Variants in COPB1 observed in about 807,000 individuals in gnomAD.
COPB1 encodes coat protein complex I subunit beta 1.
A neutral mutation model predicts 108.7 loss-of-function variants in COPB1; 21 were observed. The ratio of observed to expected loss-of-function variants is 0.19; its 90% CI spans 0.14 to 0.28. The LOEUF (loss-of-function observed/expected upper bound fraction) is 0.28, where lower values mean the gene tolerates loss of function less well. COPB1 is among the 10% of genes least tolerant of loss of function. The probability of loss-of-function intolerance (pLI) is 1.00; values close to 1 mark genes in which losing one functional copy is unlikely to be tolerated. For missense variants in COPB1, 919 were observed against 1,141.3 expected, an observed-to-expected ratio of 0.81 and a Z score of 2.81; for synonymous variants, 378 against 386.8, an observed-to-expected ratio of 0.98 and a Z score of 0.27.
At chr11:14,484,185 T>C (rs1182718460) in intron 7 of COPB1, among the ~76,000 whole-genome samples, 2 of 152,062 alleles carry the variant, frequency 1.3e-5, no homozygotes, top group African/African-American at 2.4e-5. Flanking sequence ...TCATGAAAAA[T>C]AATAAGTGAC....
rs766431319 is a variant in COPB1, at chr11:14,464,974, C to A, written c.2347G>T (p.Ala783Ser). 8 of 1,605,314 alleles carry A rather than the reference C, an allele frequency of 5.0e-6. No homozygotes were observed. Among genetic ancestry groups the A allele is most frequent in the Non-Finnish European group, 6.0e-6 (7 of 1,174,566 alleles). ...ACTTTGACGTTAGCTTTAATATTTG[C>A]GAAGTCATGAGGAGCAAGAGTCAAA... The part of the protein sequence containing the change: ...SPLTLAPHDF[A>S]NIKANVKVAS... Residue 783 changes from alanine (A) to serine (S), a missense_variant, in exon 18 of 22, where the codon GCA (alanine) becomes TCA (serine). Physicochemically the swap from Ala to Ser is moderately conservative, Grantham distance 99. Coordinates refer to ENST00000439561, the MANE Select transcript of COPB1 (RefSeq NM_001144061.2).
chr11:14,494,636 T>A (rs909363188), intron 2 of COPB1, 197 bp from the exon 3 acceptor site: 4 of 498,892 alleles, frequency 8.0e-6, no homozygotes, highest in African/African-American at 7.8e-5. Context: ...AAGTCATTTA[T>A]CTCTGGAAAT....
chr11:14,494,705 G>C, intron 2 of COPB1: 1 of 319,508 alleles, frequency 3.1e-6, no homozygotes, highest in South Asian at 7.8e-5. Flanking sequence ...CTAACCAATT[G>C]AGTTAATGCA....
intron 12 of COPB1, among the ~76,000 whole-genome samples, chr11:14,476,231 C>G (rs755556304): frequency 6.6e-6 from 1 of 152,106 alleles, no homozygotes; most frequent in Non-Finnish European, 1.5e-5. Context: ...CACATTTTAC[C>G]TAATAGAAAA....
chr11:14,470,240 A>G (rs1480636483), intron 14 of COPB1, among the ~76,000 whole-genome samples: 1 of 152,214 alleles, frequency 6.6e-6, no homozygotes, highest in Non-Finnish European at 1.5e-5. Flanking sequence ...TTTTTTAAAG[A>G]ACTGAGGCCA....
intron 5 of COPB1, 151 bp downstream of exon 5, chr11:14,490,414 T>G: frequency 2.0e-6 from 1 of 495,430 alleles, no homozygotes; most frequent in Non-Finnish European, 3.5e-6. Flanking sequence ...AAGAAAAAAA[T>G]GTATTTTTCT....
chr11:14,476,582 A>C (rs1850525074), intron 12 of COPB1, among the ~76,000 whole-genome samples: 1 of 152,158 alleles, frequency 6.6e-6, no homozygotes. Flanking sequence ...CACAACAATG[A>C]CTAGAACTAA....
chr11:14,475,761 C>G, intron 13 of COPB1, 24 bp downstream of exon 13: 1 of 1,482,742 alleles, frequency 6.7e-7, no homozygotes, highest in South Asian at 1.5e-5. Context: ...GTACAGCTGG[C>G]AGGGTATATG....
At chr11:14,490,789 T>C in intron 4 of COPB1, 110 bp from the exon 5 acceptor site, 1 of 648,350 alleles carries the variant, frequency 1.5e-6, no homozygotes, top group South Asian at 2.2e-5. Context: ...CAACATACTT[T>C]TGCTTTTTTT....
At chr11:14,476,462 C>T (rs1400859534) in intron 12 of COPB1, among the ~76,000 whole-genome samples, 5 of 152,130 alleles carry the variant, frequency 3.3e-5, no homozygotes, top group African/African-American at 1.2e-4. Context: ...AATATAAGAG[C>T]ACTAAGAGTA....
intron 3 of COPB1, 58 bp from the exon 4 acceptor site, chr11:14,493,869 T>G: frequency 7.3e-7 from 1 of 1,367,218 alleles, no homozygotes; most frequent in East Asian, 2.5e-5. Context: ...AAAAGAAAAT[T>G]TTAATGCAAA....
At chr11:14,486,570 C>A in intron 6 of COPB1, 66 bp from the exon 7 acceptor site, 1 of 1,581,624 alleles carries the variant, frequency 6.3e-7, no homozygotes, top group South Asian at 1.1e-5. Flanking sequence ...GGAGTTTTTT[C>A]ATGAATGTCA....
At position 14,483,436 on chromosome 11, in the gene COPB1, C is replaced by A. The variant is rs371892267; in HGVS notation, c.838-285G>T. ...AAGCTGCTATAGGTAGACATACTTA[C>A]TAACAGCCAAAATTTAAGGGTTAAA... is the stretch of plus-strand genomic sequence containing the variant. On this transcript the variant is annotated intron_variant, in intron 7 of 21. Coordinates refer to ENST00000439561, the MANE Select transcript of COPB1 (RefSeq NM_001144061.2). Among the ~76,000 whole-genome samples, 16 of 152,140 alleles carry A rather than the reference C, an allele frequency of 1.1e-4. No individual in the cohort carries two copies. In the East Asian group the frequency reaches 2.9e-3, roughly 28 times the overall value.
rs2134128234 is a variant in COPB1, at chr11:14,493,786, A to G, written c.347T>C (p.Ile116Thr). 25 of 1,608,472 alleles carry G rather than the reference A, an allele frequency of 1.6e-5. No homozygotes were observed. Among genetic ancestry groups the G allele is most frequent in the Non-Finnish European group, 2.0e-5 (24 of 1,177,790 alleles). Residue 116 changes from isoleucine to threonine, a missense_variant, in exon 4 of 22, where the codon ATT becomes ACT. This residue lies in a region of COPB1 where 22 missense variants were observed against 58.8 expected (regional missense o/e 0.37). Coordinates refer to ENST00000439561, the MANE Select transcript of COPB1 (RefSeq NM_001144061.2). ...AAGAAAACGAAGAGTAGATCCTCGA[A>G]TAAATTCATTAGGATGTTGAAGATC... ...RKDLQHPNEFIRGSTLRFLCK... is the reference protein window; with the variant it reads ...RKDLQHPNEFTRGSTLRFLCK...
chr11:14,464,468 T>G (rs1401199550), intron 18 of COPB1, among the ~76,000 whole-genome samples: 1 of 152,190 alleles, frequency 6.6e-6, no homozygotes, highest in African/African-American at 2.4e-5. Context: ...AAAATAAGCT[T>G]ACTGACTGAA....
At chr11:14,488,163 A>G (rs529187124) in intron 6 of COPB1, among the ~76,000 whole-genome samples, 1 of 152,334 alleles carries the variant, frequency 6.6e-6, no homozygotes, top group East Asian at 1.9e-4. Context: ...ATGTATGCTC[A>G]AGAAAATCTT....
intron 2 of COPB1, among the ~76,000 whole-genome samples, chr11:14,496,019 A>G (rs1332283675): frequency 6.6e-6 from 1 of 152,142 alleles, no homozygotes; most frequent in African/African-American, 2.4e-5. Flanking sequence ...CTCAATAGAA[A>G]CCTAGTATTA....
At chr11:14,477,601 A>G (rs1850556415) in intron 11 of COPB1, among the ~76,000 whole-genome samples, 1 of 151,194 alleles carries the variant, frequency 6.6e-6, no homozygotes, top group East Asian at 2.0e-4. Flanking sequence ...CTGAGGCATA[A>G]GAGCTCCTTG....
At chr11:14,498,710 C>A in intron 2 of COPB1, 128 bp downstream of exon 2, 1 of 674,302 alleles carries the variant, frequency 1.5e-6, no homozygotes. Flanking sequence ...AAAGGTCTAT[C>A]GAAGAGATCC....
Sources: allele counts gnomAD v4.1 joint callset (sites outside exome capture counted in the v4.1 genomes callset), GRCh38; gene constraint gnomAD v4.1.1; regional missense constraint gnomAD v4.1.1; transcripts MANE v1.5; gene names NCBI Gene and HGNC (gene_info 2026-07-23, HGNC 2026-07-21).